Variants in ITPKB observed in about 807,000 individuals in gnomAD.
The protein encoded by ITPKB is IP3 3-kinase B.
A neutral mutation model predicts 69.4 loss-of-function variants in ITPKB; 13 were observed. That is an observed-to-expected ratio of 0.19 (90% CI 0.12 to 0.30). The LOEUF (loss-of-function observed/expected upper bound fraction) is 0.30, where lower values mean the gene tolerates loss of function less well. Among genes scored for constraint, ITPKB ranks in the 10% least tolerant of loss-of-function variants. ITPKB has a pLI of 1.00. For synonymous variants in ITPKB, 584 were observed against 513.7 expected (o/e 1.14, Z -1.85); for missense variants, 1,240 against 1,250.5 (o/e 0.99, Z 0.13).
intron 2 of ITPKB, among the ~76,000 whole-genome samples, chr1:226,669,488 G>A (rs1310556916): frequency 6.6e-6 from 1 of 152,082 alleles, no homozygotes; most frequent in African/African-American, 2.4e-5. Context: ...GAGAACAGAA[G>A]GTGAGTCTTC....
intron 4 of ITPKB, among the ~76,000 whole-genome samples, chr1:226,646,377 C>G (rs2102744434): frequency 6.6e-6 from 1 of 152,314 alleles, no homozygotes; most frequent in Non-Finnish European, 1.5e-5. Context: ...ATGAGAAAAC[C>G]CGGCTGCCTA....
chr1:226,693,337 T>C (rs1272886704), intron 2 of ITPKB, among the ~76,000 whole-genome samples: 1 of 152,228 alleles, frequency 6.6e-6, no homozygotes, highest in Non-Finnish European at 1.5e-5. Flanking sequence ...TAAACTGCTG[T>C]CGAGCGATGA....
chr1:226,702,324 G>C (rs1020085088), intron 2 of ITPKB, among the ~76,000 whole-genome samples: 3 of 151,942 alleles, frequency 2.0e-5, no homozygotes, highest in Admixed American at 1.3e-4. Flanking sequence ...CTTTAACCAG[G>C]GGGGCGGAAG....
chr1:226,737,551 A>G lies in ITPKB; in HGVS notation c.-93T>C. 8.0e-7 allele frequency: 1 copy of G among 1,242,510 alleles called. No individual in the cohort carries two copies. The highest frequency in any genetic ancestry group is 1.0e-6 in the Non-Finnish European group (1 of 996,156). 77.0% of individuals were successfully genotyped at this position (1,242,510 alleles called of 1,614,324 possible). On this transcript the variant is annotated 5_prime_UTR_variant, in exon 2 of 8. Transcript: ENST00000429204. ...CCCGGCGCTCCCGGCTCAGCCCCGGAGGCCCGGCAGCCGCGGCTCCGCGCG... is the reference window on the plus strand; with the variant it reads ...CCCGGCGCTCCCGGCTCAGCCCCGGGGGCCCGGCAGCCGCGGCTCCGCGCG...
Position 226,737,433 on chromosome 1 carries a change from T to G in ITPKB, c.26A>C (p.Asn9Thr). The change falls in exon 2 of 8, where the codon AAT becomes ACT. Residue 9 changes from asparagine (N) to threonine (T), a missense_variant. Coordinates refer to ENST00000429204, the MANE Select transcript of ITPKB (RefSeq NM_002221.4). MAVYCYAL[N>T]SLVIMNSANE... ...GGCGCTATTCATGATCACCAGGCTA[T>G]TGAGCGCATAGCAGTACACAGCCAT... The G allele has an allele frequency of 6.2e-7, 1 of 1,611,228 alleles. No individual in the cohort carries two copies. The highest frequency in any genetic ancestry group is 8.5e-7 in the Non-Finnish European group (1 of 1,179,518).
At chr1:226,670,583 T>C (rs55970631) in intron 2 of ITPKB, among the ~76,000 whole-genome samples, 27,420 of 152,224 alleles carry the variant, frequency 0.18, 2,520 homozygotes, top group Middle Eastern at 0.33. Context: ...AAAATGTTGC[T>C]ATAAGATTAA....
chr1:226,665,357 C>T (rs1272804328), intron 2 of ITPKB, among the ~76,000 whole-genome samples: 3 of 152,194 alleles, frequency 2.0e-5, no homozygotes, highest in African/African-American at 7.2e-5. Flanking sequence ...CATGTCAACG[C>T]GGGCAAGTCA....
chr1:226,656,045 G>A (rs533169969), intron 2 of ITPKB, among the ~76,000 whole-genome samples: 22 of 152,316 alleles, frequency 1.4e-4, no homozygotes, highest in African/African-American at 5.1e-4. Context: ...TGCTATTAGG[G>A]ACTTTGCAGA....
intron 2 of ITPKB, among the ~76,000 whole-genome samples, chr1:226,676,545 T>TA (rs1223166386): frequency 6.6e-6 from 1 of 152,178 alleles, no homozygotes; most frequent in East Asian, 1.9e-4. Context: ...ATAGGGATAA[T>TA]AACAAGACAT....
At chr1:226,698,678 T>C (rs937462273) in intron 2 of ITPKB, among the ~76,000 whole-genome samples, 2 of 152,226 alleles carry the variant, frequency 1.3e-5, no homozygotes, top group African/African-American at 4.8e-5. Flanking sequence ...AGGACAGGCA[T>C]GATCTGCAGG....
chr1:226,688,115 A>G (rs1365724490), intron 2 of ITPKB, among the ~76,000 whole-genome samples: 1 of 152,210 alleles, frequency 6.6e-6, no homozygotes, highest in Non-Finnish European at 1.5e-5. Flanking sequence ...TGGGCTTAGC[A>G]CTTCTGATAG....
rs777311993 is a variant in ITPKB, at chr1:226,737,198, G to C, written c.261C>G (p.Gly87=). The C allele has an allele frequency of 1.3e-6, 2 of 1,586,724 alleles. No homozygotes were observed. Among genetic ancestry groups the C allele is most frequent in the Non-Finnish European group, 1.7e-6 (2 of 1,174,476 alleles). ...SGRRRLNSSS[G]SGSGSSGSSV... ...TACTGCCGCTGCTGCCGCTGCCACT[G>C]CCGCTGCTACTATTCAGCCTGCGCC... Residue 87 remains glycine (G), a synonymous_variant, in exon 2 of 8, where the codon GGC becomes GGG. Coordinates refer to ENST00000429204, the MANE Select transcript of ITPKB (RefSeq NM_002221.4).
intron 2 of ITPKB, among the ~76,000 whole-genome samples, chr1:226,714,933 G>A (rs1198478307): frequency 6.6e-6 from 1 of 152,230 alleles, no homozygotes; most frequent in Non-Finnish European, 1.5e-5. Flanking sequence ...TCACAAATGG[G>A]GGGAGGTGCT....
intron 2 of ITPKB, among the ~76,000 whole-genome samples, chr1:226,658,342 G>C (rs1348655901): frequency 6.6e-6 from 1 of 152,156 alleles, no homozygotes; most frequent in Non-Finnish European, 1.5e-5. Context: ...GGCAGGTAGG[G>C]GCCCCTGGCT....
At chr1:226,671,511 G>A (rs892477873) in intron 2 of ITPKB, among the ~76,000 whole-genome samples, 3 of 152,208 alleles carry the variant, frequency 2.0e-5, no homozygotes, top group African/African-American at 4.8e-5. Context: ...AGGTGATTTA[G>A]CAGTGAACAC....
intron 2 of ITPKB, among the ~76,000 whole-genome samples, chr1:226,655,478 G>C (rs1453674705): frequency 6.6e-6 from 1 of 152,226 alleles, no homozygotes; most frequent in Non-Finnish European, 1.5e-5. Context: ...GCAGGGGAGG[G>C]CTCAAGGCCA....
chr1:226,658,639 TCATCCCCCGTCTC>T (rs1440183977), intron 2 of ITPKB, among the ~76,000 whole-genome samples: 1 of 152,194 alleles, frequency 6.6e-6, no homozygotes, highest in African/African-American at 2.4e-5. Flanking sequence ...AGGCTTTATT[TCATCCCCCGTCTC>T]CACCCGCCGT....
intron 2 of ITPKB, among the ~76,000 whole-genome samples, chr1:226,703,414 C>G (rs1031716320): frequency 2.6e-4 from 40 of 152,324 alleles, no homozygotes; most frequent in Non-Finnish European, 1.9e-4. Flanking sequence ...AGGGGCGCGG[C>G]GGGGGATTTC....
In ITPKB at chr1:226,642,156, G is replaced by C; in HGVS notation, c.2247-31C>G. On this transcript the variant is annotated intron_variant, in intron 4 of 7. Transcript: ENST00000429204. The surrounding 1 kb of genome is among the most constrained non-coding windows in gnomAD (Gnocchi z 6.4). Reference sequence around the variant, plus strand: ...TGGGAGGGAAGGCGACATGAGGGCCGAGGCCTGGGGCAGGGCTCACCAGCA... The same window carrying C: ...TGGGAGGGAAGGCGACATGAGGGCCCAGGCCTGGGGCAGGGCTCACCAGCA... 6.3e-7 allele frequency: 1 copy of C among 1,582,418 alleles called. No individual in the cohort carries two copies. The highest frequency in any genetic ancestry group is 1.3e-5 in the African/African-American group (1 of 74,540).
Sources: allele counts gnomAD v4.1 joint callset (sites outside exome capture counted in the v4.1 genomes callset), GRCh38; gene constraint gnomAD v4.1.1; non-coding constraint Gnocchi (gnomAD v3.1); transcripts MANE v1.5; gene names NCBI Gene and HGNC (gene_info 2026-07-23, HGNC 2026-07-21).